The following LIN52 variants were observed in gnomAD, a reference collection of about 807,000 sequenced individuals.
The protein encoded by LIN52 is lin-52 DREAM MuvB core complex component.
Under a neutral mutation model 18.5 loss-of-function variants are expected in LIN52, and 4 were observed. The observed-to-expected ratio is 0.22, with a 90% CI of 0.11 to 0.49. The LOEUF (loss-of-function observed/expected upper bound fraction) is 0.49. Among genes scored for constraint, LIN52 ranks in the 20% least tolerant of loss-of-function variants. LIN52 has a pLI of 0.97. For missense variants in LIN52, 102 were observed against 139.5 expected, an observed-to-expected ratio of 0.73 and a Z score of 1.35; for synonymous variants, 34 against 45.5, an observed-to-expected ratio of 0.75 and a Z score of 1.02.
At chr14:74,094,750 T>TG (rs951814351) in intron 2 of LIN52, among the ~76,000 whole-genome samples, 12 of 151,446 alleles carry the variant, frequency 7.9e-5, no homozygotes, top group African/African-American at 2.9e-4. Context: ...TTTTTTGAGA[T>TG]GGAGTCTCGC....
In LIN52 at chr14:74,113,253, G is replaced by A. The variant is rs578220035; in HGVS notation, c.283+12015G>A. ...CTAAAAATACACAAATTAGCCAGGC[G>A]TGGTGGCGGGCGCCTGTAATCTCAG... On this transcript the variant is annotated intron_variant, in intron 5 of 5. Coordinates refer to ENST00000555028, the MANE Select transcript of LIN52 (RefSeq NM_001024674.3). 7.9e-5 allele frequency among the ~76,000 whole-genome samples: 12 copies of A among 152,186 alleles called. No homozygotes were observed. In the South Asian group the frequency reaches 1.2e-3, roughly 16 times the overall value.
chr14:74,189,503 C>T (rs1196343414), intron 5 of LIN52, among the ~76,000 whole-genome samples: 1 of 152,140 alleles, frequency 6.6e-6, no homozygotes, highest in African/African-American at 2.4e-5. Context: ...TCTCATTTCT[C>T]GAACACAGAT....
intron 5 of LIN52, among the ~76,000 whole-genome samples, chr14:74,155,465 A>G (rs1223143704): frequency 6.6e-6 from 1 of 152,256 alleles, no homozygotes; most frequent in Non-Finnish European, 1.5e-5. Context: ...TGAAGTATCA[A>G]TAAGGAGGTA....
intron 1 of LIN52, among the ~76,000 whole-genome samples, chr14:74,086,180 T>C (rs1418223698): frequency 6.6e-6 from 1 of 152,174 alleles, no homozygotes; most frequent in Admixed American, 6.5e-5. Flanking sequence ...AGATTGTAAA[T>C]TCCAAGTTTG....
At chr14:74,187,948 G>A (rs750827411) in intron 5 of LIN52, among the ~76,000 whole-genome samples, 18 of 152,158 alleles carry the variant, frequency 1.2e-4, no homozygotes, top group African/African-American at 3.1e-4. Context: ...TCACTAATAC[G>A]TGATGGATTT....
chr14:74,180,200 G>A (rs575303741), intron 5 of LIN52, among the ~76,000 whole-genome samples: 27 of 152,022 alleles, frequency 1.8e-4, no homozygotes, highest in African/African-American at 6.0e-4. Context: ...TACCTGCATA[G>A]TGTCTACACC....
At chr14:74,164,642 C>T (rs1203343534) in intron 5 of LIN52, among the ~76,000 whole-genome samples, 1 of 152,136 alleles carries the variant, frequency 6.6e-6, no homozygotes, top group Non-Finnish European at 1.5e-5. Flanking sequence ...ATCTCTCCCT[C>T]CACACCCAGG....
At chr14:74,142,642 C>T (rs1183942948) in intron 5 of LIN52, among the ~76,000 whole-genome samples, 1 of 151,612 alleles carries the variant, frequency 6.6e-6, no homozygotes, top group Non-Finnish European at 1.5e-5. Flanking sequence ...TAATGACTAC[C>T]ACATTGGACA....
intron 5 of LIN52, among the ~76,000 whole-genome samples, chr14:74,101,821 A>G (rs960852034): frequency 1.3e-5 from 2 of 152,116 alleles, no homozygotes; most frequent in East Asian, 3.8e-4. Context: ...TCATTTTTAA[A>G]TAGACAGAGT....
chr14:74,172,661 TAAG>T (rs1383341686), intron 5 of LIN52, among the ~76,000 whole-genome samples: 3 of 152,106 alleles, frequency 2.0e-5, no homozygotes, highest in African/African-American at 7.2e-5. Flanking sequence ...CAGTAAGAGG[TAAG>T]AAGTATAACA....
chr14:74,097,923 A>G (rs770225034), intron 4 of LIN52, 63 bp downstream of exon 4: 2 of 1,098,144 alleles, frequency 1.8e-6, no homozygotes, highest in Non-Finnish European at 2.6e-6. Flanking sequence ...CCACCTCTCT[A>G]TTTTTTTTTT....
chr14:74,095,534 A>G lies in LIN52; in HGVS notation c.95-414A>G, dbSNP rs189814765. On this transcript the variant is annotated intron_variant, in intron 2 of 5. Coordinates refer to ENST00000555028, the MANE Select transcript of LIN52 (RefSeq NM_001024674.3). ...TGACTTCTCAAAATGCCCAGCCCTG[A>G]TTTTTATTTTTCTGCATTTTAATGT... Among the ~76,000 whole-genome samples the G allele has an allele frequency of 2.6e-5, 4 of 152,214 alleles. No individual in the cohort carries two copies. The East Asian group carries it at 7.7e-4, about 29-fold the overall frequency.
intron 5 of LIN52, among the ~76,000 whole-genome samples, chr14:74,138,934 CA>C: frequency 9.5e-6 from 1 of 105,224 alleles, no homozygotes; most frequent in Admixed American, 9.3e-5. Flanking sequence ...CACAAGGTAG[CA>C]TTTTTTTTTT....
intron 4 of LIN52, among the ~76,000 whole-genome samples, chr14:74,098,952 G>A (rs748473707): frequency 1.3e-5 from 2 of 152,156 alleles, no homozygotes; most frequent in African/African-American, 4.8e-5. Flanking sequence ...CAACCTCTTA[G>A]TGGGTTAAGA....
intron 5 of LIN52, among the ~76,000 whole-genome samples, chr14:74,120,780 G>A (rs1174321601): frequency 6.6e-6 from 1 of 151,826 alleles, no homozygotes; most frequent in Non-Finnish European, 1.5e-5. Context: ...AAATTAGCTG[G>A]GCTTGGTGGC....
intron 5 of LIN52, among the ~76,000 whole-genome samples, chr14:74,154,289 G>C (rs921202095): frequency 6.6e-6 from 1 of 151,952 alleles, no homozygotes; most frequent in Non-Finnish European, 1.5e-5. Context: ...TCCCTCAGTT[G>C]GGATTTGTCT....
intron 1 of LIN52, among the ~76,000 whole-genome samples, chr14:74,087,413 CAAAAAAAAA>C (rs59052804): frequency 2.1e-4 from 21 of 100,228 alleles, no homozygotes; most frequent in East Asian, 1.4e-3. Flanking sequence ...GACTCCATTG[CAAAAAAAAA>C]AAAAAAAAAA....
At chr14:74,167,428 G>T (rs1310087473) in intron 5 of LIN52, among the ~76,000 whole-genome samples, 5 of 152,060 alleles carry the variant, frequency 3.3e-5, no homozygotes, top group Admixed American at 3.3e-4. Context: ...AAAACATTCA[G>T]GGGACGGGTG....
intron 5 of LIN52, among the ~76,000 whole-genome samples, chr14:74,197,123 G>A (rs1026649735): frequency 2.0e-5 from 3 of 152,196 alleles, no homozygotes. Context: ...CTCCCATCAT[G>A]TAGAGAATGG....
Sources: allele counts gnomAD v4.1 joint callset (sites outside exome capture counted in the v4.1 genomes callset), GRCh38; gene constraint gnomAD v4.1.1; transcripts MANE v1.5; gene names NCBI Gene and HGNC (gene_info 2026-07-23, HGNC 2026-07-21).